The following MAGI1 variants were observed in gnomAD, a reference collection of about 807,000 sequenced individuals.
MAGI1 encodes the protein membrane-associated guanylate kinase, WW and PDZ domain-containing protein 1.
Under a neutral mutation model 139.9 loss-of-function variants are expected in MAGI1, and 58 were observed. The ratio of observed to expected loss-of-function variants is 0.41; its 90% CI spans 0.34 to 0.52. The LOEUF is 0.52. Among genes scored for constraint, MAGI1 ranks in the 20% least tolerant of loss-of-function variants. MAGI1 has a pLI of 0.12. For missense variants in MAGI1, 1,874 were observed against 1,901.6 expected (o/e 0.99, Z 0.27); for synonymous variants, 812 against 737.9 (o/e 1.10, Z -1.63).
At chr3:65,854,508 C>T (rs953516386) in intron 1 of MAGI1, among the ~76,000 whole-genome samples, 2 of 152,200 alleles carry the variant, frequency 1.3e-5, no homozygotes, top group African/African-American at 4.8e-5. Context: ...CCCATGCCAG[C>T]GTCTTCACAA....
intron 1 of MAGI1, among the ~76,000 whole-genome samples, chr3:65,663,291 C>A (rs960317063): frequency 9.2e-5 from 14 of 152,266 alleles, no homozygotes; most frequent in African/African-American, 3.4e-4. Context: ...TTAGCAGAAA[C>A]ATCACAGCAT....
At chr3:65,950,094 CAAAAAAAAAAAA>C (rs1560045841) in intron 1 of MAGI1, among the ~76,000 whole-genome samples, 1,644 of 47,772 alleles carry the variant, frequency 0.034, 138 homozygotes, top group African/African-American at 0.12. Flanking sequence ...AAAAAACAAA[CAAAAAAAAAAAA>C]CAGAACTAGC....
rs915502623 is a variant in MAGI1 at position 65,354,513 on chromosome 3, T to C, written c.*1865A>G. The C allele has an allele frequency of 6.6e-6, 1 of 152,628 alleles. No individual in the cohort carries two copies. Among genetic ancestry groups the C allele is most frequent in the African/African-American group, 2.4e-5 (1 of 41,456 alleles). 9.5% of individuals were successfully genotyped at this position (152,628 alleles called of 1,614,324 possible). On this transcript the variant is annotated 3_prime_UTR_variant, in exon 23 of 23. Transcript: ENST00000402939. ...CAATACAGAAAGAGCATTAAGTCCA[T>C]AGCACACTGCAAGAAATAAATGAGT...
At chr3:65,810,432 T>A (rs1414123903) in intron 1 of MAGI1, among the ~76,000 whole-genome samples, 1 of 152,258 alleles carries the variant, frequency 6.6e-6, no homozygotes, top group African/African-American at 2.4e-5. Context: ...GACAGACTGT[T>A]AAATGAAACA....
At chr3:65,449,248 A>G (rs984489517) in intron 6 of MAGI1, among the ~76,000 whole-genome samples, 2 of 152,182 alleles carry the variant, frequency 1.3e-5, no homozygotes, top group Non-Finnish European at 2.9e-5. Context: ...CGTTGTGCAT[A>G]TATACCCTAG....
intron 1 of MAGI1, among the ~76,000 whole-genome samples, chr3:65,624,330 A>G (rs1020176739): frequency 5.9e-5 from 9 of 152,198 alleles, no homozygotes; most frequent in African/African-American, 2.2e-4. Flanking sequence ...GAATCTTCAC[A>G]GCAACTTTAC....
Position 65,453,269 on chromosome 3 carries a change from C to T in MAGI1, c.1031G>A (p.Cys344Tyr). 1 of 1,613,678 alleles carries T rather than the reference C, an allele frequency of 6.2e-7. No homozygotes were observed. Among genetic ancestry groups the T allele is most frequent in the Non-Finnish European group, 8.5e-7 (1 of 1,179,920 alleles). The change falls in exon 6 of 23, where the codon TGT (cysteine) becomes TAT (tyrosine). Residue 344 changes from cysteine (C) to tyrosine (Y), a missense_variant. Around this residue, in one of 5 missense-constraint regions of MAGI1, gnomAD observed 648 missense variants for 598.1 expected, o/e 1.08. Transcript: ENST00000402939. The stretch of plus-strand genomic sequence containing the variant: ...GCCTGGCCCCTTACCATCATCTTCA[C>T]ACTCTTCCAGTGGCTTCTGCTGCTT... ...LNKQQKPLEE[C>Y]EDDEGVHTEE...
intron 1 of MAGI1, among the ~76,000 whole-genome samples, chr3:65,690,823 C>T (rs949886722): frequency 8.0e-6 from 1 of 125,248 alleles, no homozygotes; most frequent in Non-Finnish European, 1.6e-5. Flanking sequence ...CTATTATAGT[C>T]TATGTTAAAA....
intron 1 of MAGI1, among the ~76,000 whole-genome samples, chr3:65,923,219 C>T (rs264686): frequency 0.76 from 110,401 of 145,992 alleles, 43,142 homozygotes; most frequent in East Asian, 0.99. Flanking sequence ...TTGCATTCAA[C>T]AGACATCTTT....
At chr3:65,867,367 A>G (rs2059765511) in intron 1 of MAGI1, among the ~76,000 whole-genome samples, 1 of 152,208 alleles carries the variant, frequency 6.6e-6, no homozygotes, top group Non-Finnish European at 1.5e-5. Context: ...AATCAACTGT[A>G]GAACAATTCC....
Position 65,430,039 on chromosome 3 carries a change from G to C in MAGI1, c.1648C>G (p.Leu550Val), listed in dbSNP as rs1947344578. Residue 550 changes from leucine to valine, a missense_variant, in exon 12 of 23, where the codon CTT becomes GTT. Coordinates refer to ENST00000402939, the MANE Select transcript of MAGI1 (RefSeq NM_001033057.2). ...AATGGATAACCTCGGCAGAGTTCAAGGTCCACGCTGGCACCAATGGGGATG... is the reference window on the plus strand; with the variant it reads ...AATGGATAACCTCGGCAGAGTTCAACGTCCACGCTGGCACCAATGGGGATG... ...QSIPIGASVD[L>V]ELCRGYPLPF... The C allele has an allele frequency of 6.2e-7, 1 of 1,613,760 alleles. No individual in the cohort carries two copies. Among genetic ancestry groups the C allele is most frequent in the African/African-American group, 1.3e-5 (1 of 74,888 alleles).
At chr3:65,806,032 C>T (rs2040833503) in intron 1 of MAGI1, among the ~76,000 whole-genome samples, 1 of 152,104 alleles carries the variant, frequency 6.6e-6, no homozygotes, top group Non-Finnish European at 1.5e-5. Flanking sequence ...AGCAAACCAC[C>T]ATAGCAAATG....
At chr3:65,998,385 T>C (rs2066569217) in intron 1 of MAGI1, among the ~76,000 whole-genome samples, 1 of 152,184 alleles carries the variant, frequency 6.6e-6, no homozygotes, top group South Asian at 2.1e-4. Context: ...ACATAGCTTT[T>C]TCGTGCCAAG....
intron 1 of MAGI1, among the ~76,000 whole-genome samples, chr3:65,649,630 T>C (rs1010705357): frequency 1.2e-4 from 18 of 152,134 alleles, no homozygotes; most frequent in Non-Finnish European, 1.9e-4. Flanking sequence ...TAAATAACTC[T>C]GAATATTCAA....
rs376962555 is a variant in MAGI1 at position 65,941,006 on chromosome 3, T to C, written c.313+96990A>G. 7.9e-5 allele frequency among the ~76,000 whole-genome samples: 12 copies of C among 152,288 alleles called. No homozygotes were observed. In the South Asian group the frequency reaches 2.3e-3, roughly 29 times the overall value. On this transcript the variant is annotated intron_variant, in intron 1 of 22. Coordinates refer to ENST00000402939, the MANE Select transcript of MAGI1 (RefSeq NM_001033057.2). ...ATTTGTAATTTCACATGAAACAGTA[T>C]TCAAGAAAAAAACTATAAATGGAAC...
chr3:65,625,392 G>A (rs933111399), intron 1 of MAGI1, among the ~76,000 whole-genome samples: 2 of 152,134 alleles, frequency 1.3e-5, no homozygotes, highest in African/African-American at 4.8e-5. Context: ...GAGAGTTGAA[G>A]TAAAGGAAAA....
chr3:65,658,986 C>A (rs1244642041), intron 1 of MAGI1, among the ~76,000 whole-genome samples: 2 of 152,154 alleles, frequency 1.3e-5, no homozygotes, highest in African/African-American at 2.4e-5. Context: ...CCTTTTTATG[C>A]ACTTCTTGCC....
chr3:65,638,447 G>A (rs1671306280), intron 1 of MAGI1, among the ~76,000 whole-genome samples: 1 of 151,718 alleles, frequency 6.6e-6, no homozygotes, highest in African/African-American at 2.4e-5. Flanking sequence ...AAACTGGTGT[G>A]TTATCACCAG....
At chr3:65,784,522 G>A (rs1290956169) in intron 1 of MAGI1, among the ~76,000 whole-genome samples, 6 of 152,074 alleles carry the variant, frequency 3.9e-5, no homozygotes, top group African/African-American at 9.7e-5. Context: ...TGAAGATCAC[G>A]GTGAAACCCT....
Sources: gnomAD v4.1 joint callset for allele counts (sites outside exome capture counted in the v4.1 genomes callset) on GRCh38, gnomAD v4.1.1 for gene constraint, gnomAD v4.1.1 regional missense constraint, MANE v1.5 for transcripts, NCBI Gene and HGNC (gene_info 2026-07-23, HGNC 2026-07-21) for gene names.